The following SLC38A1 variants were observed in gnomAD, a reference collection of about 807,000 sequenced individuals.
SLC38A1 encodes sodium-coupled neutral amino acid symporter 1.
A neutral mutation model predicts 60.3 loss-of-function variants in SLC38A1; 18 were observed. The observed-to-expected ratio is 0.30, with a 90% confidence interval of 0.21 to 0.44. SLC38A1 has a LOEUF of 0.44. SLC38A1 is among the 20% of genes least tolerant of loss of function. The pLI is 1.00. For synonymous variants in SLC38A1, 196 were observed against 212.1 expected, an observed-to-expected ratio of 0.92 and a Z score of 0.66; for missense variants, 448 against 587.2, an observed-to-expected ratio of 0.76 and a Z score of 2.45.
At position 46,268,024 on chromosome 12, in the gene SLC38A1, T is replaced by C. The variant is rs1257392537; in HGVS notation, c.-209+502A>G. Among the ~76,000 whole-genome samples the C allele has an allele frequency of 6.6e-6, 1 of 152,112 alleles. No individual in the cohort carries two copies. The highest frequency in any genetic ancestry group is 1.5e-5 in the Non-Finnish European group (1 of 68,010). Reference sequence around the variant, plus strand: ...CGGTTTAGTGGTGGTCCGCGGCCGCTACCCAGCCGGCCGCACGCAGCACCC... The same window carrying C: ...CGGTTTAGTGGTGGTCCGCGGCCGCCACCCAGCCGGCCGCACGCAGCACCC... On this transcript the variant is annotated intron_variant, in intron 1 of 16. Coordinates refer to ENST00000398637, the MANE Select transcript of SLC38A1 (RefSeq NM_030674.4). The surrounding 1 kb of genome is among the most constrained non-coding windows in gnomAD (Gnocchi z 4.4).
In SLC38A1 at chr12:46,203,042, C is replaced by A. The variant is rs375584134; in HGVS notation, c.870G>T (p.Pro290=). The change falls in exon 12 of 17, where the codon CCG becomes CCT. Residue 290 remains proline, a synonymous_variant. Coordinates refer to ENST00000398637, the MANE Select transcript of SLC38A1 (RefSeq NM_030674.4). ...GCTCACTGTAAATTGGCAGGACTGA[C>A]GGGTGGCAAACAAATGCAAATGCAA... ...PTIAFAFVCH[P]SVLPIYSELK... 6.2e-7 allele frequency: 1 copy of A among 1,613,884 alleles called. No homozygotes were observed. Among genetic ancestry groups the A allele is most frequent in the Non-Finnish European group, 8.5e-7 (1 of 1,179,894 alleles).
intron 7 of SLC38A1, 94 bp downstream of exon 7, chr12:46,207,435 G>C (rs193083243): frequency 7.9e-7 from 1 of 1,261,232 alleles, no homozygotes; most frequent in East Asian, 2.3e-5. Context: ...TAGCAATGAG[G>C]ATGATAACTG....
At chr12:46,229,872 C>G (rs772048818) in intron 3 of SLC38A1, among the ~76,000 whole-genome samples, 5 of 152,216 alleles carry the variant, frequency 3.3e-5, no homozygotes, top group Non-Finnish European at 7.3e-5. Flanking sequence ...AGGGCAGGCA[C>G]TTTGCCTCAT....
chr12:46,223,842 A>C (rs1940758540), intron 5 of SLC38A1, among the ~76,000 whole-genome samples: 1 of 152,204 alleles, frequency 6.6e-6, no homozygotes. Context: ...ATAATAATAC[A>C]TGTTAAGAAG....
intron 1 of SLC38A1, among the ~76,000 whole-genome samples, chr12:46,252,038 C>T (rs969032803): frequency 2.0e-5 from 3 of 152,082 alleles, no homozygotes; most frequent in Admixed American, 6.5e-5. Context: ...CACATGCACA[C>T]GTATGTTTAT....
Position 46,198,676 on chromosome 12 carries a change from C to T in SLC38A1, c.1071G>A (p.Arg357=). 2.5e-6 allele frequency: 4 copies of T among 1,613,642 alleles called. No homozygotes were observed. The highest frequency in any genetic ancestry group is 3.4e-6 in the Non-Finnish European group (4 of 1,179,804). The change falls in exon 14 of 17, where the codon CGG becomes CGA. Residue 357 remains arginine, a synonymous_variant. Coordinates refer to ENST00000398637, the MANE Select transcript of SLC38A1 (RefSeq NM_030674.4). ...GGATCACAGCAACAATGACAGCCAG[C>T]CGCACTGTCAGGATGAGAATGTCAT... is the stretch of plus-strand genomic sequence containing the variant. ...SKDDILILTV[R]LAVIVAVILT...
At chr12:46,212,835 C>T (rs991769747) in intron 5 of SLC38A1, among the ~76,000 whole-genome samples, 1 of 152,194 alleles carries the variant, frequency 6.6e-6, no homozygotes, top group Non-Finnish European at 1.5e-5. Flanking sequence ...GCAACCCATT[C>T]TGTTTCTGAA....
chr12:46,249,168 A>AAAAAGAAAG (rs1555191158), intron 1 of SLC38A1, among the ~76,000 whole-genome samples: 8 of 126,442 alleles, frequency 6.3e-5, no homozygotes, highest in Non-Finnish European at 1.1e-4. Context: ...AAAAAAAAAA[A>AAAAAGAAAG]AAAAAAAGAA....
At chr12:46,246,790 C>G (rs1941635583) in intron 1 of SLC38A1, among the ~76,000 whole-genome samples, 1 of 152,152 alleles carries the variant, frequency 6.6e-6, no homozygotes, top group African/African-American at 2.4e-5. Flanking sequence ...GCAGGAGCCC[C>G]TCTTGGACAA....
At chr12:46,249,995 C>G (rs935241685) in intron 1 of SLC38A1, among the ~76,000 whole-genome samples, 1 of 152,090 alleles carries the variant, frequency 6.6e-6, no homozygotes, top group African/African-American at 2.4e-5. Context: ...TTATGAGGCC[C>G]TCATCATCTG....
chr12:46,234,209 C>A (rs1381800704), intron 3 of SLC38A1, among the ~76,000 whole-genome samples: 1 of 152,182 alleles, frequency 6.6e-6, no homozygotes, highest in Non-Finnish European at 1.5e-5. Flanking sequence ...TTGTCCAGTG[C>A]TGTCTCTCAG....
chr12:46,242,494 G>T (rs973126371), intron 2 of SLC38A1, among the ~76,000 whole-genome samples: 2 of 152,058 alleles, frequency 1.3e-5, no homozygotes, highest in East Asian at 3.8e-4. Context: ...TACAATGGCT[G>T]GGCATGGTGG....
At chr12:46,256,636 C>CACACAGAGAG (rs142176282) in intron 1 of SLC38A1, among the ~76,000 whole-genome samples, 27 of 123,266 alleles carry the variant, frequency 2.2e-4, no homozygotes, top group East Asian at 7.7e-4. Flanking sequence ...CACACACACA[C>CACACAGAGAG]AGAGAGAGAG....
chr12:46,201,858 C>T (rs1014693520), intron 12 of SLC38A1, among the ~76,000 whole-genome samples: 2 of 149,128 alleles, frequency 1.3e-5, no homozygotes, highest in African/African-American at 5.0e-5. Flanking sequence ...TTGGTTATGT[C>T]AAGGAATCTA....
intron 3 of SLC38A1, among the ~76,000 whole-genome samples, chr12:46,234,446 C>CTTTTTTTTTTTTTTT (rs397791217): frequency 1.4e-5 from 2 of 140,688 alleles, no homozygotes; most frequent in African/African-American, 2.7e-5. Flanking sequence ...TTCTTTCTTT[C>CTTTTTTTTTTTTTTT]TTTTTTTTTT....
Position 46,204,436 on chromosome 12 carries a change from G to A in SLC38A1, c.706-19C>T, listed in dbSNP as rs751686024. On this transcript the variant is annotated intron_variant, in intron 10 of 16. Transcript: ENST00000398637. ...AAATAACCTGGTATTAAGAAGTATAGTAGAAGCAATATGGACTTTAGTAAA... is the reference window on the plus strand; with the variant it reads ...AAATAACCTGGTATTAAGAAGTATAATAGAAGCAATATGGACTTTAGTAAA... The A allele has an allele frequency of 5.0e-6, 8 of 1,595,768 alleles. 1 individual carries two copies. The South Asian group carries it at 8.8e-5, about 18-fold the overall frequency.
chr12:46,207,492 G>C, intron 7 of SLC38A1, 37 bp downstream of exon 7: 1 of 1,574,046 alleles, frequency 6.4e-7, no homozygotes, highest in Middle Eastern at 1.7e-4. Context: ...ACCAGAATTA[G>C]TTTCAAGTTA....
chr12:46,198,444 A>G (rs903395868), intron 14 of SLC38A1, among the ~76,000 whole-genome samples, 181 bp downstream of exon 14: 2 of 152,186 alleles, frequency 1.3e-5, no homozygotes, highest in African/African-American at 4.8e-5. Context: ...AGGCTCCCTG[A>G]CGCACTGAAT....
At chr12:46,189,580 G>A (rs992246878) in intron 16 of SLC38A1, among the ~76,000 whole-genome samples, 2 of 152,146 alleles carry the variant, frequency 1.3e-5, no homozygotes, top group Admixed American at 6.5e-5. Flanking sequence ...GTTACCTGAA[G>A]GGCTGATGAA....
Sources: gnomAD v4.1 joint callset for allele counts (sites outside exome capture counted in the v4.1 genomes callset) on GRCh38, gnomAD v4.1.1 for gene constraint, Gnocchi (gnomAD v3.1) non-coding constraint, MANE v1.5 for transcripts, NCBI Gene and HGNC (gene_info 2026-07-23, HGNC 2026-07-21) for gene names.